The following ZNF326 variants were observed in gnomAD, a reference collection of about 807,000 sequenced individuals.
ZNF326 encodes the protein DBIRD complex subunit ZNF326.
ZNF326 carries 30 observed loss-of-function variants against 63.1 expected under a neutral mutation model. The ratio of observed to expected loss-of-function variants is 0.48; its 90% CI spans 0.36 to 0.64. ZNF326 has a LOEUF of 0.64. Ranked by LOEUF, ZNF326 falls within the 30% of genes least tolerant of loss-of-function variation. The pLI is 0.00. For missense variants in ZNF326, 609 were observed against 720.3 expected (o/e 0.85, Z 1.77); for synonymous variants, 194 against 228.2 (o/e 0.85, Z 1.35).
At chr1:90,018,020 G>A (rs147716468) in intron 8 of ZNF326, among the ~76,000 whole-genome samples, 2 of 152,284 alleles carry the variant, frequency 1.3e-5, no homozygotes, top group African/African-American at 2.4e-5. Flanking sequence ...CAGGCCGGGC[G>A]CAGTGGCTCA....
intron 2 of ZNF326, among the ~76,000 whole-genome samples, chr1:89,999,099 A>T (rs1246366834): frequency 6.6e-6 from 1 of 152,236 alleles, no homozygotes; most frequent in Non-Finnish European, 1.5e-5. Flanking sequence ...TTTAATTTGC[A>T]TCCACATGTA....
Position 90,007,511 on chromosome 1 carries a change from A to G in ZNF326, c.376A>G (p.Asn126Asp). 6.2e-7 allele frequency: 1 copy of G among 1,614,088 alleles called. No homozygotes were observed. The change falls in exon 5 of 12, where the codon AAC (asparagine) becomes GAC (aspartate). Residue 126 changes from asparagine (N) to aspartate (D), a missense_variant. Coordinates refer to ENST00000340281, the MANE Select transcript of ZNF326 (RefSeq NM_182976.4). This position sits in a 1 kb window ranked among gnomAD's most constrained non-coding sequence, Gnocchi z 4.9. ...RNSLDSFGGR[N>D]QGGSSWEAPY... ...TAGCCTTGACTCTTTCGGAGGTAGAAACCAGGGCGGGTCTAGCTGGGAAGC... is the reference window on the plus strand; with the variant it reads ...TAGCCTTGACTCTTTCGGAGGTAGAGACCAGGGCGGGTCTAGCTGGGAAGC...
At chr1:90,022,019 CT>C (rs1294910092) in intron 10 of ZNF326, among the ~76,000 whole-genome samples, 1 of 152,056 alleles carries the variant, frequency 6.6e-6, no homozygotes, top group East Asian at 1.9e-4. Flanking sequence ...AGAATCTAGA[CT>C]TGTAGATTTG....
At chr1:90,004,676 G>A in intron 2 of ZNF326, among the ~76,000 whole-genome samples, 1 of 151,508 alleles carries the variant, frequency 6.6e-6, no homozygotes, top group East Asian at 1.9e-4. Context: ...CACGGTGAAA[G>A]CCCATCTCTA....
chr1:90,007,902 A>G lies in ZNF326; in HGVS notation c.615+152A>G. 1.3e-6 allele frequency: 1 copy of G among 757,624 alleles called. No homozygotes were observed. The highest frequency in any genetic ancestry group is 3.3e-5 in the East Asian group (1 of 29,950). 46.9% of individuals were successfully genotyped at this position (757,624 alleles called of 1,614,324 possible). A position where few individuals can be genotyped will look rare whatever the true frequency, so the allele number is the denominator to read the frequency against. On this transcript the variant is annotated intron_variant, in intron 5 of 11. Transcript: ENST00000340281. The surrounding 1 kb of genome is among the most constrained non-coding windows in gnomAD (Gnocchi z 4.9). ...TAAACATAATTTTTAGGTTGACTGT[A>G]AAAGTTTTTCTAGCACCTCAGAAAA...
intron 1 of ZNF326, 132 bp downstream of exon 1, chr1:89,995,405 GGCCCA>G: frequency 8.0e-7 from 1 of 1,248,018 alleles, no homozygotes; most frequent in Non-Finnish European, 1.1e-6. Flanking sequence ...GCCCGCCCCG[GGCCCA>G]GCGCCCGGAG....
At chr1:90,017,516 T>C (rs758799337) in intron 8 of ZNF326, 52 bp downstream of exon 8, 23 of 1,502,166 alleles carry the variant, frequency 1.5e-5, no homozygotes, top group South Asian at 4.0e-5. Flanking sequence ...GAATTTCTTA[T>C]GATTTCATTT....
chr1:90,011,144 C>T (rs924727235), intron 6 of ZNF326, among the ~76,000 whole-genome samples: 1 of 151,916 alleles, frequency 6.6e-6, no homozygotes, highest in Non-Finnish European at 1.5e-5. Flanking sequence ...TATATGTATC[C>T]CTCCCCCATA....
intron 1 of ZNF326, 80 bp from the exon 2 acceptor site, chr1:89,998,030 G>C: frequency 7.5e-7 from 1 of 1,335,806 alleles, no homozygotes; most frequent in Non-Finnish European, 1.0e-6. Context: ...AATTGTGCTT[G>C]TTTTTTACTG....
rs1444462700 is a variant in ZNF326 at position 90,007,219 on chromosome 1, A to G, written c.210-126A>G. ...CTAATCAAATGTGAACAAAAGTAGA[A>G]CTGTGCAAACCAGTATGGTATAAAT... On this transcript the variant is annotated intron_variant, in intron 4 of 11. Transcript: ENST00000340281. The surrounding 1 kb of genome is among the most constrained non-coding windows in gnomAD (Gnocchi z 4.9). 5 of 943,292 alleles carry G rather than the reference A, an allele frequency of 5.3e-6. No homozygotes were observed. In the Admixed American group the frequency reaches 1.1e-4, roughly 22 times the overall value. 58.4% of individuals were successfully genotyped at this position (943,292 alleles called of 1,614,324 possible).
At chr1:90,001,729 G>T (rs1282451848) in intron 2 of ZNF326, among the ~76,000 whole-genome samples, 1 of 151,514 alleles carries the variant, frequency 6.6e-6, no homozygotes, top group Non-Finnish European at 1.5e-5. Flanking sequence ...AATTTTTTTT[G>T]TGTTTTTTAG....
Position 90,018,763 on chromosome 1 carries a change from A to AT in ZNF326, c.1155dup (p.Glu386Ter). 1 of 1,548,814 alleles carries AT rather than the reference A, an allele frequency of 6.5e-7. No homozygotes were observed. Among genetic ancestry groups the AT allele is most frequent in the South Asian group, 1.2e-5 (1 of 83,936 alleles). ...TAATCAAACAGAAGTAGTTAAAATA[A>AT]TTGAAAAAGATGTTATGGAAGGTAA... On this transcript the variant is annotated frameshift_variant, in exon 9 of 12. Transcript: ENST00000340281. LOFTEE classifies it high-confidence loss of function.
Position 90,007,062 on chromosome 1 carries a change from A to G in ZNF326, c.210-283A>G, listed in dbSNP as rs1457326701. ...GCTGGGCTTAAATAATGACAGACAA[A>G]TCTTTTCTTCTTCATAAAATAGAAA... On this transcript the variant is annotated intron_variant, in intron 4 of 11. Coordinates refer to ENST00000340281, the MANE Select transcript of ZNF326 (RefSeq NM_182976.4). This position sits in a 1 kb window ranked among gnomAD's most constrained non-coding sequence, Gnocchi z 4.9. Among the ~76,000 whole-genome samples the G allele has an allele frequency of 6.6e-6, 1 of 152,242 alleles. No homozygotes were observed. Among genetic ancestry groups the G allele is most frequent in the Non-Finnish European group, 1.5e-5 (1 of 68,030 alleles).
At chr1:90,022,691 T>C (rs893612616) in intron 11 of ZNF326, among the ~76,000 whole-genome samples, 4 of 152,218 alleles carry the variant, frequency 2.6e-5, no homozygotes, top group Admixed American at 1.3e-4. Flanking sequence ...ATTTCATTTC[T>C]GAATTAGGTA....
intron 2 of ZNF326, among the ~76,000 whole-genome samples, chr1:89,999,096 T>C (rs532164835): frequency 6.6e-5 from 10 of 152,330 alleles, no homozygotes; most frequent in African/African-American, 2.4e-4. Context: ...AAGTTTAATT[T>C]GCATCCACAT....
At chr1:90,008,456 T>C (rs1649091353) in intron 5 of ZNF326, among the ~76,000 whole-genome samples, 3 of 152,196 alleles carry the variant, frequency 2.0e-5, no homozygotes. Context: ...ATTTTGTAAA[T>C]TATTGCTTAA....
Position 90,034,091 on chromosome 1 carries a change from A to G in ZNF326, c.*6390A>G, listed in dbSNP as rs1334771651. On this transcript the variant is annotated 3_prime_UTR_variant, in exon 12 of 12. Transcript: ENST00000340281. The stretch of plus-strand genomic sequence containing the variant: ...AATCTCAAAATGTCTAAAGAGAAAC[A>G]GTGTACCTATAAGGGGAAAAGAATC... 6.6e-6 allele frequency: 1 copy of G among 152,196 alleles called. No homozygotes were observed. The highest frequency in any genetic ancestry group is 1.5e-5 in the Non-Finnish European group (1 of 68,020). The allele number at this position is 152,196 out of a possible 1,614,324, so 9.4% of individuals were successfully genotyped here. A position where few individuals can be genotyped will look rare whatever the true frequency, so the allele number is the denominator to read the frequency against.
chr1:90,029,353 T>C lies in ZNF326; in HGVS notation c.*1652T>C, dbSNP rs1406057520. The C allele has an allele frequency of 6.6e-6, 1 of 151,980 alleles. No homozygotes were observed. The highest frequency in any genetic ancestry group is 1.5e-5 in the Non-Finnish European group (1 of 67,996). 9.4% of individuals were successfully genotyped at this position (151,980 alleles called of 1,614,324 possible). On this transcript the variant is annotated 3_prime_UTR_variant, in exon 12 of 12. Coordinates refer to ENST00000340281, the MANE Select transcript of ZNF326 (RefSeq NM_182976.4). ...TAGCAATATCTGATAGATACTTGCA[T>C]CTAATTTTAGGGATTTGGTGCCAAA...
At chr1:90,006,379 GT>G (rs1648989513) in intron 4 of ZNF326, 2 of 982,930 alleles carry the variant, frequency 2.0e-6, no homozygotes, top group African/African-American at 3.5e-5. Context: ...AGCTATATCC[GT>G]AGATGTTATT....
Sources: gnomAD v4.1 joint callset for allele counts (sites outside exome capture counted in the v4.1 genomes callset) on GRCh38, gnomAD v4.1.1 for gene constraint, Gnocchi (gnomAD v3.1) non-coding constraint, MANE v1.5 for transcripts, NCBI Gene and HGNC (gene_info 2026-07-23, HGNC 2026-07-21) for gene names.